Variants in NRG1 observed in about 807,000 individuals in gnomAD.
NRG1 encodes neuregulin 1.
Under a neutral mutation model 63.8 loss-of-function variants are expected in NRG1, and 18 were observed. The ratio of observed to expected loss-of-function variants is 0.28; its 90% CI spans 0.19 to 0.42. The LOEUF is 0.42. NRG1 is among the 10% of genes least tolerant of loss of function. The pLI, the probability that NRG1 is intolerant of heterozygous loss-of-function variation, is 1.00. For missense variants in NRG1, 762 were observed against 814.7 expected, an observed-to-expected ratio of 0.94 and a Z score of 0.79; for synonymous variants, 302 against 301.3, an observed-to-expected ratio of 1.00 and a Z score of -0.02.
chr8:32,093,442 T>C (rs926728469), intron 1 of NRG1, among the ~76,000 whole-genome samples: 3 of 152,228 alleles, frequency 2.0e-5, no homozygotes, highest in Non-Finnish European at 4.4e-5. Flanking sequence ...GGATCAAAGA[T>C]AGTACAGGAA....
At chr8:32,255,712 C>T (rs1331491344) in intron 1 of NRG1, among the ~76,000 whole-genome samples, 1 of 152,152 alleles carries the variant, frequency 6.6e-6, no homozygotes, top group Admixed American at 6.5e-5. Context: ...TGAGGATTAT[C>T]TTTATGGTGT....
intron 1 of NRG1, among the ~76,000 whole-genome samples, chr8:31,959,162 C>CT (rs1804987572): frequency 6.6e-6 from 1 of 152,212 alleles, no homozygotes; most frequent in Non-Finnish European, 1.5e-5. Context: ...TTTTACTACT[C>CT]TAACAATTTC....
At chr8:32,176,364 C>T (rs1365556360) in intron 1 of NRG1, among the ~76,000 whole-genome samples, 2 of 152,080 alleles carry the variant, frequency 1.3e-5, no homozygotes, top group Non-Finnish European at 2.9e-5. Flanking sequence ...GACCTGAAAC[C>T]ATAAAAACCC....
chr8:32,687,822 G>A (rs377248846), intron 5 of NRG1, among the ~76,000 whole-genome samples: 7 of 152,210 alleles, frequency 4.6e-5, no homozygotes, highest in African/African-American at 1.7e-4. Context: ...TTATTAAAAT[G>A]TGTGAATGAA....
intron 1 of NRG1, among the ~76,000 whole-genome samples, chr8:31,687,916 C>T (rs968425785): frequency 1.3e-5 from 2 of 152,216 alleles, no homozygotes; most frequent in Non-Finnish European, 2.9e-5. Context: ...CAGACTGTTC[C>T]AGCCCCTAAA....
chr8:31,941,572 G>A (rs1801755528), intron 1 of NRG1, among the ~76,000 whole-genome samples: 1 of 152,164 alleles, frequency 6.6e-6, no homozygotes, highest in Middle Eastern at 3.4e-3. Flanking sequence ...GAAATTAAGA[G>A]CATCCAAAAT....
chr8:31,836,957 T>A (rs1317176982), intron 1 of NRG1, among the ~76,000 whole-genome samples: 2 of 152,106 alleles, frequency 1.3e-5, no homozygotes, highest in African/African-American at 4.8e-5. Flanking sequence ...GATCAATTCA[T>A]ACCATTCTGA....
chr8:31,718,556 T>G (rs1162829780), intron 1 of NRG1, among the ~76,000 whole-genome samples: 1 of 152,212 alleles, frequency 6.6e-6, no homozygotes, highest in East Asian at 1.9e-4. Context: ...AATAAAGTCT[T>G]TGTACACAAT....
At chr8:31,939,881 T>C (rs914440732) in intron 1 of NRG1, among the ~76,000 whole-genome samples, 2 of 152,108 alleles carry the variant, frequency 1.3e-5, no homozygotes, top group African/African-American at 4.8e-5. Flanking sequence ...ATTCTAAATA[T>C]ATAAGCACCT....
intron 1 of NRG1, among the ~76,000 whole-genome samples, chr8:32,316,372 A>T (rs1231821380): frequency 1.3e-5 from 2 of 150,882 alleles, no homozygotes; most frequent in African/African-American, 4.9e-5. Flanking sequence ...GCTACTCGGG[A>T]GGCTGAGGCA....
chr8:32,740,473 A>G (rs1826060286), intron 6 of NRG1, among the ~76,000 whole-genome samples: 3 of 152,172 alleles, frequency 2.0e-5, no homozygotes, highest in Non-Finnish European at 4.4e-5. Flanking sequence ...CTAGGATTAC[A>G]GGCATGAGCC....
chr8:32,201,307 G>C (rs1039575551), intron 1 of NRG1, among the ~76,000 whole-genome samples: 1 of 152,154 alleles, frequency 6.6e-6, no homozygotes, highest in Non-Finnish European at 1.5e-5. Context: ...GGTCAATGCA[G>C]CATATCAACC....
At chr8:32,671,137 T>C (rs1661294772) in intron 5 of NRG1, among the ~76,000 whole-genome samples, 1 of 151,784 alleles carries the variant, frequency 6.6e-6, no homozygotes, top group Admixed American at 6.6e-5. Flanking sequence ...GCTTTTTTTT[T>C]TTTTTAGCAA....
At chr8:32,464,658 C>G (rs1313045702) in intron 1 of NRG1, among the ~76,000 whole-genome samples, 1 of 152,106 alleles carries the variant, frequency 6.6e-6, no homozygotes, top group East Asian at 1.9e-4. Flanking sequence ...TGAATCTTCC[C>G]AGACCGTGGT....
intron 1 of NRG1, among the ~76,000 whole-genome samples, chr8:31,763,037 GTCA>G (rs1817710715): frequency 6.6e-6 from 1 of 152,124 alleles, no homozygotes; most frequent in African/African-American, 2.4e-5. Context: ...AGTAGTGCAA[GTCA>G]TCATATTTAA....
chr8:32,657,251 A>G (rs759983306), intron 5 of NRG1, among the ~76,000 whole-genome samples: 12 of 151,708 alleles, frequency 7.9e-5, no homozygotes, highest in Non-Finnish European at 1.5e-4. Flanking sequence ...TTGGTGTACA[A>G]TGTAATATAA....
At chr8:32,137,082 A>G (rs1412242480) in intron 1 of NRG1, among the ~76,000 whole-genome samples, 2 of 152,082 alleles carry the variant, frequency 1.3e-5, no homozygotes, top group Non-Finnish European at 2.9e-5. Flanking sequence ...CATGATTTCT[A>G]TGATGAATTT....
At chr8:32,132,820 ATT>A (rs1489190743) in intron 1 of NRG1, among the ~76,000 whole-genome samples, 1 of 152,132 alleles carries the variant, frequency 6.6e-6, no homozygotes, top group Non-Finnish European at 1.5e-5. Context: ...CTCTCTTTTT[ATT>A]TTAATTAACG....
intron 1 of NRG1, among the ~76,000 whole-genome samples, chr8:31,692,280 A>G (rs1412426898): frequency 2.0e-5 from 3 of 152,236 alleles, no homozygotes. Context: ...GATGATTTTC[A>G]TTGAAAAAGC....
Sources: gnomAD v4.1 joint callset for allele counts (sites outside exome capture counted in the v4.1 genomes callset) on GRCh38, gnomAD v4.1.1 for gene constraint, MANE v1.5 for transcripts, NCBI Gene and HGNC (gene_info 2026-07-23, HGNC 2026-07-21) for gene names.